RHCG: variants seen among roughly 807,000 people sequenced by gnomAD.
The protein encoded by RHCG is ammonium transporter Rh type C.
A neutral mutation model predicts 55.3 loss-of-function variants in RHCG; 39 were observed. That is an observed-to-expected ratio of 0.70 (90% confidence interval 0.55 to 0.92). RHCG has a LOEUF of 0.92. Among genes scored for constraint, RHCG ranks in the 40% least tolerant of loss-of-function variants. The pLI, the probability that RHCG is intolerant of heterozygous loss-of-function variation, is 0.00. For missense variants in RHCG, 635 were observed against 627.9 expected (o/e 1.01, Z -0.12); for synonymous variants, 250 against 246.8 (o/e 1.01, Z -0.12).
intron 1 of RHCG, among the ~76,000 whole-genome samples, chr15:89,494,430 G>T (rs915682707): frequency 6.6e-6 from 1 of 152,118 alleles, no homozygotes; most frequent in Non-Finnish European, 1.5e-5. Context: ...CACTCTCAGA[G>T]GTGTCCTCTG....
chr15:89,487,044 G>T lies in RHCG; in HGVS notation c.185-59C>A, dbSNP rs1961387671. ...CTGGCGAAGGTTCGTCCCAGCCCTG[G>T]GTCTGGGCCAGGAAGGCCGGGGTAG... On this transcript the variant is annotated intron_variant, in intron 1 of 10. Transcript: ENST00000268122. 9 of 1,460,100 alleles carry T rather than the reference G, an allele frequency of 6.2e-6. No individual in the cohort carries two copies. The Admixed American group carries it at 2.0e-4, about 33-fold the overall frequency. 90.4% of individuals were successfully genotyped at this position (1,460,100 alleles called of 1,614,324 possible). A position where few individuals can be genotyped will look rare whatever the true frequency, so the allele number is the denominator to read the frequency against.
chr15:89,491,212 C>T (rs375032001), intron 1 of RHCG, among the ~76,000 whole-genome samples: 2 of 152,162 alleles, frequency 1.3e-5, no homozygotes, highest in African/African-American at 4.8e-5. Context: ...TTTCCTGGTC[C>T]ATCCTCCCTG....
chr15:89,486,709 G>A (rs1567227885), intron 2 of RHCG, 90 bp downstream of exon 2: 6 of 1,337,148 alleles, frequency 4.5e-6, no homozygotes, highest in Non-Finnish European at 6.1e-6. Context: ...CCCGGGTCCC[G>A]CCGATGGGCA....
chr15:89,494,982 G>A (rs1961540049), intron 1 of RHCG, among the ~76,000 whole-genome samples: 1 of 152,152 alleles, frequency 6.6e-6, no homozygotes, highest in Non-Finnish European at 1.5e-5. Context: ...TTGCTGGAAA[G>A]TCCCCCCCTT....
At position 89,479,508 on chromosome 15, in the gene RHCG, C is replaced by G. The variant is rs777112601; in HGVS notation, c.671-20G>C. On this transcript the variant is annotated intron_variant, in intron 4 of 10. Transcript: ENST00000268122. ...GGGTGCCTGGTCAGACCAGACAGGCCCAATGGGCCCGGGAGGAGAGGCATT... is the reference window on the plus strand; with the variant it reads ...GGGTGCCTGGTCAGACCAGACAGGCGCAATGGGCCCGGGAGGAGAGGCATT... 3 of 1,597,772 alleles carry G rather than the reference C, an allele frequency of 1.9e-6. No homozygotes were observed. Among genetic ancestry groups the G allele is most frequent in the Non-Finnish European group, 2.6e-6 (3 of 1,171,356 alleles).
chr15:89,472,647 T>C lies in RHCG; in HGVS notation c.*24+64A>G, dbSNP rs1961059547. ...TGCCTCTTTGCTAGTAACATCTGAT[T>C]CTGAGAGCTGGGCCCCCACTGGGAG... On this transcript the variant is annotated intron_variant, in intron 10 of 10. Transcript: ENST00000268122. 4.0e-6 allele frequency: 6 copies of C among 1,494,652 alleles called. No individual in the cohort carries two copies. The Admixed American group carries it at 1.2e-4, about 29-fold the overall frequency. The allele number at this position is 1,494,652 out of a possible 1,614,324, so 92.6% of individuals were successfully genotyped here. A position where few individuals can be genotyped will look rare whatever the true frequency, so the allele number is the denominator to read the frequency against.
rs139876872 is a variant in RHCG, at chr15:89,472,754, G to A, written c.1421C>T (p.Ser474Leu). 228 of 1,599,934 alleles carry A rather than the reference G, an allele frequency of 1.4e-4. No homozygotes were observed. Among genetic ancestry groups the A allele is most frequent in the Non-Finnish European group, 1.7e-4 (200 of 1,173,432 alleles). ...PMVSPLPMAS[S>L]VPLVP ...GGGAGCCTAGGGTACCAAGGGTACC[G>A]AGGAAGCCATGGGTAGTGGGGACAC... The change falls in exon 10 of 11, where the codon TCG becomes TTG. Residue 474 changes from serine to leucine, a missense_variant. By Grantham distance (145) the Ser-to-Leu change is moderately radical (BLOSUM62 -2). Transcript: ENST00000268122.
In RHCG at chr15:89,484,723, C is replaced by T. The variant is rs964180193; in HGVS notation, c.372-1506G>A. 1.4e-4 allele frequency among the ~76,000 whole-genome samples: 20 copies of T among 146,818 alleles called. No homozygotes were observed. In the South Asian group the frequency reaches 3.8e-3, roughly 28 times the overall value. On this transcript the variant is annotated intron_variant, in intron 2 of 10. Coordinates refer to ENST00000268122, the MANE Select transcript of RHCG (RefSeq NM_016321.3). Reference sequence around the variant, plus strand: ...TGTACCCAGGAAGTGGAGGTTGCAGCGAGCCAAGATCGCACCACTGCATTC... The same window carrying T: ...TGTACCCAGGAAGTGGAGGTTGCAGTGAGCCAAGATCGCACCACTGCATTC...
At chr15:89,490,410 A>G (rs901302460) in intron 1 of RHCG, among the ~76,000 whole-genome samples, 1 of 152,242 alleles carries the variant, frequency 6.6e-6, no homozygotes, top group African/African-American at 2.4e-5. Flanking sequence ...TGAATTTAGC[A>G]TCGGTGCTGA....
chr15:89,479,481 G>T lies in RHCG; in HGVS notation c.678C>A (p.Leu226=). Residue 226 remains leucine, a synonymous_variant, in exon 5 of 11, where the codon CTC becomes CTA. Coordinates refer to ENST00000268122, the MANE Select transcript of RHCG (RefSeq NM_016321.3). The stretch of plus-strand genomic sequence containing the variant: ...AGCTGGGCCAGTACATCCACAGGAA[G>T]AGGGTGCCTGGTCAGACCAGACAGG... ...QSDLFAMIGT[L]FLWMYWPSFN... The T allele has an allele frequency of 6.2e-7, 1 of 1,612,154 alleles. No individual in the cohort carries two copies.
rs1395955450 is a variant in RHCG, at chr15:89,479,633, G to A, written c.671-145C>T. The A allele has an allele frequency of 1.2e-5, 9 of 732,858 alleles. No homozygotes were observed. In the South Asian group the frequency reaches 1.8e-4, roughly 14 times the overall value. The allele number at this position is 732,858 out of a possible 1,614,324, so 45.4% of individuals were successfully genotyped here. ...CCTCTGCAGCTTTAGTCATGCAGGG[G>A]CTCTTCCTGGAAGGCCCTCCCTGCC... On this transcript the variant is annotated intron_variant, in intron 4 of 10. Transcript: ENST00000268122.
Position 89,477,988 on chromosome 15 carries a change from G to C in RHCG, c.838-14C>G. On this transcript the variant is annotated splice_polypyrimidine_tract_variant and intron_variant, in intron 5 of 10. Coordinates refer to ENST00000268122, the MANE Select transcript of RHCG (RefSeq NM_016321.3). This position sits in a 1 kb window ranked among gnomAD's most constrained non-coding sequence, Gnocchi z 4.5. Reference sequence around the variant, plus strand: ...CTGGATGTGCACCTGGGCAGGGCAGGCAGAGCAGGCAGGAACTCAGTCCTC... The same window carrying C: ...CTGGATGTGCACCTGGGCAGGGCAGCCAGAGCAGGCAGGAACTCAGTCCTC... The C allele has an allele frequency of 6.3e-7, 1 of 1,593,960 alleles. No homozygotes were observed. The highest frequency in any genetic ancestry group is 8.6e-7 in the Non-Finnish European group (1 of 1,167,492).
chr15:89,482,650 G>A (rs574694896), intron 3 of RHCG, among the ~76,000 whole-genome samples: 61 of 152,290 alleles, frequency 4.0e-4, no homozygotes, highest in African/African-American at 1.3e-3. Flanking sequence ...GTGCTGTGTC[G>A]TACACACCAT....
At chr15:89,475,732 T>TA (rs1480254300) in intron 9 of RHCG, among the ~76,000 whole-genome samples, 7 of 151,996 alleles carry the variant, frequency 4.6e-5, no homozygotes, top group Non-Finnish European at 5.9e-5. Context: ...GAGGAAGCTT[T>TA]AAAAAAATTC....
chr15:89,480,322 G>T lies in RHCG; in HGVS notation c.609C>A (p.Asn203Lys), dbSNP rs934044212. 1 of 1,614,172 alleles carries T rather than the reference G, an allele frequency of 6.2e-7. No homozygotes were observed. Among genetic ancestry groups the T allele is most frequent in the Middle Eastern group, 1.6e-4 (1 of 6,062 alleles). Residue 203 changes from asparagine to lysine, a missense_variant, in exon 4 of 11, where the codon AAC becomes AAA. Transcript: ENST00000268122. ...LTVTRILYRR[N>K]LEQSKERQNS... Reference sequence around the variant, plus strand: ...TCTGTCTCTCCTTGCTCTGCTCTAGGTTGCGTCGGTAGAGGATCCGGGTCA... The same window carrying T: ...TCTGTCTCTCCTTGCTCTGCTCTAGTTTGCGTCGGTAGAGGATCCGGGTCA...
chr15:89,488,880 C>T (rs564736407), intron 1 of RHCG, among the ~76,000 whole-genome samples: 3 of 151,600 alleles, frequency 2.0e-5, no homozygotes, highest in Non-Finnish European at 4.4e-5. Context: ...GAAGATATTG[C>T]ATTAATGGAA....
intron 5 of RHCG, 90 bp downstream of exon 5, chr15:89,479,232 G>A: frequency 7.4e-7 from 1 of 1,357,760 alleles, no homozygotes; most frequent in South Asian, 1.5e-5. Context: ...TGGGTGTGAT[G>A]ATCCCCTCAG....
At chr15:89,474,713 CCTTCGTTCA>C (rs1961099463) in intron 9 of RHCG, among the ~76,000 whole-genome samples, 1 of 152,030 alleles carries the variant, frequency 6.6e-6, no homozygotes, top group Non-Finnish European at 1.5e-5. Flanking sequence ...CTGCCTGCTG[CCTTCGTTCA>C]TTCCTTCCTG....
At chr15:89,495,764 TTG>T (rs2141905944) in intron 1 of RHCG, among the ~76,000 whole-genome samples, 1 of 152,354 alleles carries the variant, frequency 6.6e-6, no homozygotes, top group African/African-American at 2.4e-5. Context: ...TTTAGGAAGG[TTG>T]GCATTTGCCT....
Sources: allele counts gnomAD v4.1 joint callset (sites outside exome capture counted in the v4.1 genomes callset), GRCh38; gene constraint gnomAD v4.1.1; non-coding constraint Gnocchi (gnomAD v3.1); transcripts MANE v1.5; gene names NCBI Gene and HGNC (gene_info 2026-07-23, HGNC 2026-07-21).